HSD17B3: variants seen among roughly 807,000 people sequenced by gnomAD.
HSD17B3 encodes the protein 17-beta-hydroxysteroid dehydrogenase type 3.
HSD17B3 carries 29 observed loss-of-function variants against 41.1 expected under a neutral mutation model. The ratio of observed to expected loss-of-function variants is 0.71; its 90% CI spans 0.53 to 0.96. HSD17B3 has a LOEUF of 0.96. Ranked by LOEUF, HSD17B3 falls within the 40% of genes least tolerant of loss-of-function variation. HSD17B3 has a pLI of 0.00. For synonymous variants in HSD17B3, 126 were observed against 145.6 expected, an observed-to-expected ratio of 0.87 and a Z score of 0.97; for missense variants, 323 against 374.6, an observed-to-expected ratio of 0.86 and a Z score of 1.14.
At chr9:96,290,708 C>A (rs1207513779) in intron 2 of HSD17B3, among the ~76,000 whole-genome samples, 1 of 151,772 alleles carries the variant, frequency 6.6e-6, no homozygotes, top group African/African-American at 2.4e-5. Flanking sequence ...GTGGCGGGTG[C>A]CTGTAATCCC....
In HSD17B3 at chr9:96,294,520, A is replaced by G. The variant is rs1020796912; in HGVS notation, c.201+3896T>C. Among the ~76,000 whole-genome samples, 3 of 152,198 alleles carry G rather than the reference A, an allele frequency of 2.0e-5. No individual in the cohort carries two copies. In the South Asian group the frequency reaches 6.2e-4, roughly 31 times the overall value. On this transcript the variant is annotated intron_variant, in intron 2 of 10. Transcript: ENST00000375263. ...GGGGTCTCCCCTAAGCAGAAAGAAG[A>G]GTGTCTGAGTCTTGCGATAGCAAGG... is the stretch of plus-strand genomic sequence containing the variant.
chr9:96,291,485 AG>A (rs1363780571), intron 2 of HSD17B3, among the ~76,000 whole-genome samples: 2 of 152,162 alleles, frequency 1.3e-5, no homozygotes, highest in Non-Finnish European at 1.5e-5. Flanking sequence ...TATAAACCAA[AG>A]ATTTAAATAA....
rs866585100 is a variant in HSD17B3 at position 96,297,348 on chromosome 9, T to C, written c.201+1068A>G. Among the ~76,000 whole-genome samples the C allele has an allele frequency of 4.5e-3, 647 of 145,064 alleles. 5 individuals are homozygous for C. The highest frequency in any genetic ancestry group is 0.014 in the African/African-American group (568 of 39,524). On this transcript the variant is annotated intron_variant, in intron 2 of 10. Transcript: ENST00000375263. ...TTAAGGTGTTATTGATTTCTTTTTT[T>C]TTTTTTTTTTTTTTTGGAGACAAAG...
chr9:96,286,911 G>A (rs1587780196), intron 2 of HSD17B3, among the ~76,000 whole-genome samples: 1 of 152,126 alleles, frequency 6.6e-6, no homozygotes, highest in East Asian at 1.9e-4. Flanking sequence ...CAGCCCTCAG[G>A]GCTGCTCTGT....
chr9:96,249,125 T>G (rs1836791291), intron 6 of HSD17B3, among the ~76,000 whole-genome samples: 1 of 152,118 alleles, frequency 6.6e-6, no homozygotes, highest in South Asian at 2.1e-4. Context: ...CAGGACGGTC[T>G]CCAACTCCTG....
intron 2 of HSD17B3, among the ~76,000 whole-genome samples, chr9:96,274,083 TC>T (rs1282716517): frequency 2.6e-5 from 4 of 152,202 alleles, no homozygotes; most frequent in Admixed American, 6.5e-5. Context: ...GAAATAGAGA[TC>T]TAAAACTGTC....
intron 5 of HSD17B3, chr9:96,250,149 C>T (rs555335005): frequency 1.6e-6 from 2 of 1,245,690 alleles, no homozygotes; most frequent in South Asian, 4.3e-5. Flanking sequence ...AACAGAAAGA[C>T]AAATGGTTGT....
chr9:96,256,078 C>T (rs547321814), intron 2 of HSD17B3: 11 of 152,282 alleles, frequency 7.2e-5, no homozygotes, highest in African/African-American at 2.6e-4. Context: ...TTCGTTTAAA[C>T]AGAGACGGAT....
chr9:96,245,917 C>T, intron 7 of HSD17B3, among the ~76,000 whole-genome samples: 1 of 152,204 alleles, frequency 6.6e-6, no homozygotes, highest in Admixed American at 6.5e-5. Flanking sequence ...CTATGCAAGT[C>T]TCCAGGAGCC....
At chr9:96,244,706 T>C (rs546922120) in intron 8 of HSD17B3, among the ~76,000 whole-genome samples, 71 of 152,224 alleles carry the variant, frequency 4.7e-4, no homozygotes, top group African/African-American at 1.6e-3. Flanking sequence ...GATATGTTAA[T>C]TCGCTTGACT....
chr9:96,269,576 T>G (rs866129758), intron 2 of HSD17B3, among the ~76,000 whole-genome samples: 21 of 152,130 alleles, frequency 1.4e-4, no homozygotes, highest in Admixed American at 8.5e-4. Context: ...TCGGCATGGA[T>G]GAACTTCAGA....
In HSD17B3 at chr9:96,280,348, G is replaced by A. The variant is rs960120244; in HGVS notation, c.201+18068C>T. On this transcript the variant is annotated intron_variant, in intron 2 of 10. Transcript: ENST00000375263. ...TTTCACCAATCCACTTATTTTGAAC[G>A]ACTATTCCACAGTATAAATAATTTC... Among the ~76,000 whole-genome samples, 3 of 152,264 alleles carry A rather than the reference G, an allele frequency of 2.0e-5. No homozygotes were observed. In the East Asian group the frequency reaches 5.8e-4, roughly 29 times the overall value.
intron 2 of HSD17B3, among the ~76,000 whole-genome samples, chr9:96,255,367 CTTTTTTTTTTTTTTTTTTTTTTTTTTT>C (rs869145717): frequency 3.7e-5 from 2 of 54,566 alleles, no homozygotes; most frequent in East Asian, 1.5e-3. Context: ...CCCAACATTT[CTTTTTTTTTTTTTTTTTTTTTTTTTTT>C]TTTTTTTTTT....
intron 2 of HSD17B3, among the ~76,000 whole-genome samples, chr9:96,266,304 A>G (rs1195945809): frequency 6.6e-6 from 1 of 152,104 alleles, no homozygotes; most frequent in Non-Finnish European, 1.5e-5. Flanking sequence ...AGACAGTCTC[A>G]CTCTGTTACC....
At chr9:96,257,469 T>C (rs1183970835) in intron 2 of HSD17B3, among the ~76,000 whole-genome samples, 1 of 151,638 alleles carries the variant, frequency 6.6e-6, no homozygotes, top group Non-Finnish European at 1.5e-5. Flanking sequence ...TACGGGCATA[T>C]ATAGGCACAT....
chr9:96,251,431 G>A lies in HSD17B3; in HGVS notation c.440C>T (p.Pro147Leu), dbSNP rs371906721. 55 of 1,613,770 alleles carry A rather than the reference G, an allele frequency of 3.4e-5. 1 individual carries two copies. Among genetic ancestry groups the A allele is most frequent in the African/African-American group, 3.2e-4 (24 of 74,892 alleles). The change falls in exon 5 of 11, where the codon CCG (proline) becomes CTG (leucine). Residue 147 changes from proline to leucine, a missense_variant. Coordinates refer to ENST00000375263, the MANE Select transcript of HSD17B3 (RefSeq NM_000197.2). ...GCACAAGTCTACCTGGATTTCATCCGGTGCGTTCAGGAAATGGCTTGGGAG... is the reference window on the plus strand; with the variant it reads ...GCACAAGTCTACCTGGATTTCATCCAGTGCGTTCAGGAAATGGCTTGGGAG... ...NLLPSHFLNA[P>L]DEIQSLIHCN...
intron 2 of HSD17B3, among the ~76,000 whole-genome samples, chr9:96,287,892 C>G (rs1264461515): frequency 6.9e-6 from 1 of 144,558 alleles, no homozygotes; most frequent in South Asian, 2.1e-4. Flanking sequence ...AAAATGGAAA[C>G]AACTCCAACA....
chr9:96,252,908 G>C lies in HSD17B3; in HGVS notation c.280C>G (p.Arg94Gly), dbSNP rs753222380. The part of the protein sequence containing the change: ...KLEAIATEIE[R>G]TTGRSVKIIQ... ...ATCTTCACACTCCTCCCTGTAGTCC[G>C]CTCTACACGAGAGACAACAGTTTTT... is the stretch of plus-strand genomic sequence containing the variant. The change falls in exon 4 of 11, where the codon CGG (arginine) becomes GGG (glycine). Residue 94 changes from arginine to glycine, a missense_variant and splice_region_variant. Transcript: ENST00000375263. 6.3e-7 allele frequency: 1 copy of C among 1,596,512 alleles called. No individual in the cohort carries two copies. The highest frequency in any genetic ancestry group is 1.7e-5 in the Admixed American group (1 of 59,930).
intron 2 of HSD17B3, among the ~76,000 whole-genome samples, chr9:96,267,862 C>T (rs1157324714): frequency 1.3e-5 from 2 of 152,134 alleles, no homozygotes; most frequent in Non-Finnish European, 2.9e-5. Flanking sequence ...GCCCACCCTG[C>T]TCTGTGGGGC....
Sources: gnomAD v4.1 joint callset for allele counts (sites outside exome capture counted in the v4.1 genomes callset) on GRCh38, gnomAD v4.1.1 for gene constraint, MANE v1.5 for transcripts, NCBI Gene and HGNC (gene_info 2026-07-23, HGNC 2026-07-21) for gene names.